Variants in RASAL2 observed in about 807,000 individuals in gnomAD.
RASAL2 encodes the protein ras GTPase-activating protein nGAP.
Under a neutral mutation model 128.9 loss-of-function variants are expected in RASAL2, and 58 were observed. The observed-to-expected ratio is 0.45, with a 90% CI of 0.36 to 0.56. RASAL2 has a LOEUF of 0.56. Among genes scored for constraint, RASAL2 ranks in the 20% least tolerant of loss-of-function variants. RASAL2 has a pLI of 0.00. For missense variants in RASAL2, 1,360 were observed against 1,601.6 expected, an observed-to-expected ratio of 0.85 and a Z score of 2.57; for synonymous variants, 561 against 580.8, an observed-to-expected ratio of 0.97 and a Z score of 0.49.
intron 3 of RASAL2, among the ~76,000 whole-genome samples, chr1:178,341,102 T>C (rs1669853705): frequency 6.6e-6 from 1 of 152,236 alleles, no homozygotes; most frequent in African/African-American, 2.4e-5. Flanking sequence ...ACCTGGTTTT[T>C]ATACTCTGAA....
intron 1 of RASAL2, among the ~76,000 whole-genome samples, chr1:178,117,318 A>G (rs1329897040): frequency 1.3e-5 from 2 of 152,236 alleles, no homozygotes; most frequent in African/African-American, 4.8e-5. Flanking sequence ...ACTCAACTCT[A>G]ACCATTCTGT....
chr1:178,408,612 G>GTTTTTTTTTTTTTTTTTTTTTTTTTTTT (rs756656921), intron 4 of RASAL2, among the ~76,000 whole-genome samples: 5 of 142,476 alleles, frequency 3.5e-5, no homozygotes, highest in African/African-American at 1.1e-4. Context: ...GTTTTTTTTT[G>GTTTTTTTTTTTTTTTTTTTTTTTTTTTT]TTTTTTGTTT....
At chr1:178,346,924 G>A (rs1670186964) in intron 3 of RASAL2, among the ~76,000 whole-genome samples, 1 of 152,108 alleles carries the variant, frequency 6.6e-6, no homozygotes, top group Admixed American at 6.6e-5. Flanking sequence ...GAAGTCTAGT[G>A]GAAGTATAGC....
chr1:178,193,996 C>T (rs906832503), intron 1 of RASAL2, among the ~76,000 whole-genome samples: 12 of 152,168 alleles, frequency 7.9e-5, no homozygotes, highest in East Asian at 1.9e-4. Flanking sequence ...GAGGCCCAAT[C>T]GTTAAACACT....
intron 3 of RASAL2, among the ~76,000 whole-genome samples, chr1:178,364,554 A>G (rs938567100): frequency 2.0e-5 from 3 of 152,222 alleles, no homozygotes; most frequent in African/African-American, 7.2e-5. Context: ...TTGATCTATT[A>G]TTATTGTTGC....
At chr1:178,455,656 A>G (rs1316978212) in intron 12 of RASAL2, among the ~76,000 whole-genome samples, 1 of 152,224 alleles carries the variant, frequency 6.6e-6, no homozygotes, top group Non-Finnish European at 1.5e-5. Context: ...AGCTATGCCA[A>G]AGATAAACCC....
intron 9 of RASAL2, among the ~76,000 whole-genome samples, chr1:178,446,966 G>A (rs1677043523): frequency 6.6e-6 from 1 of 152,280 alleles, no homozygotes; most frequent in East Asian, 1.9e-4. Flanking sequence ...GGAATGTGTG[G>A]AATAAAACTA....
At chr1:178,364,672 T>G (rs1214794876) in intron 3 of RASAL2, among the ~76,000 whole-genome samples, 1 of 152,214 alleles carries the variant, frequency 6.6e-6, no homozygotes, top group Non-Finnish European at 1.5e-5. Context: ...TATATTGGGT[T>G]TATATATCCA....
At chr1:178,183,380 A>T (rs1461075345) in intron 1 of RASAL2, among the ~76,000 whole-genome samples, 1 of 152,216 alleles carries the variant, frequency 6.6e-6, no homozygotes, top group Non-Finnish European at 1.5e-5. Context: ...GCAAAGTTCT[A>T]TGGGTTGTAA....
rs368032512 is a variant in RASAL2, at chr1:178,402,383, G to A, written c.564+12177G>A. Among the ~76,000 whole-genome samples the A allele has an allele frequency of 1.9e-4, 28 of 151,278 alleles. No homozygotes were observed. In the East Asian group the frequency reaches 3.5e-3, roughly 19 times the overall value. On this transcript the variant is annotated intron_variant, in intron 4 of 17. Transcript: ENST00000367649. Reference sequence around the variant, plus strand: ...AACGCCACTGCACTCCAGCCTGGGCGACAGAGCGAGACTTCATCTAAAAAA... The same window carrying A: ...AACGCCACTGCACTCCAGCCTGGGCAACAGAGCGAGACTTCATCTAAAAAA...
chr1:178,435,319 TTAAGC>T lies in RASAL2; in HGVS notation c.675-4101_675-4097del, dbSNP rs561959231. ...TGTGGCATTCTGAAAAATTGGCCAG[TTAAGC>T]TGAGAAAATCCAGCTGTGTTTTACT... is the stretch of plus-strand genomic sequence containing the variant. On this transcript the variant is annotated intron_variant, in intron 5 of 17. Coordinates refer to ENST00000367649, the MANE Select transcript of RASAL2 (RefSeq NM_170692.4). Among the ~76,000 whole-genome samples the T allele has an allele frequency of 7.1e-4, 108 of 152,272 alleles. 1 individual carries two copies. The highest frequency in any genetic ancestry group is 1.1e-3 in the Non-Finnish European group (76 of 67,994).
intron 4 of RASAL2, among the ~76,000 whole-genome samples, chr1:178,414,994 C>G (rs1245582633): frequency 6.6e-6 from 1 of 152,076 alleles, no homozygotes; most frequent in East Asian, 1.9e-4. Context: ...TACAGACTTA[C>G]AAATTTTATT....
chr1:178,107,786 A>C (rs762890944), intron 1 of RASAL2, among the ~76,000 whole-genome samples: 20 of 152,318 alleles, frequency 1.3e-4, no homozygotes, highest in Admixed American at 3.3e-4. Context: ...AACATGTATA[A>C]AAATTTCATT....
chr1:178,475,341 G>C lies in RASAL2; in HGVS notation c.*2102G>C, dbSNP rs1397186. On this transcript the variant is annotated 3_prime_UTR_variant, in exon 18 of 18. Transcript: ENST00000367649. ...TCTCTCCAAGCGGAGGGCACACTGT[G>C]GTCAAAATCACTTATTTTATTAGGA... 1 of 152,128 alleles carries C rather than the reference G, an allele frequency of 6.6e-6. No homozygotes were observed. Among genetic ancestry groups the C allele is most frequent in the Non-Finnish European group, 1.5e-5 (1 of 68,024 alleles). 9.4% of individuals were successfully genotyped at this position (152,128 alleles called of 1,614,324 possible). A position where few individuals can be genotyped will look rare whatever the true frequency, so the allele number is the denominator to read the frequency against.
intron 7 of RASAL2, among the ~76,000 whole-genome samples, 183 bp downstream of exon 7, chr1:178,441,830 T>G (rs1303145373): frequency 6.6e-6 from 1 of 152,108 alleles, no homozygotes; most frequent in African/African-American, 2.4e-5. Flanking sequence ...TGAGACTGGG[T>G]AATTTATCAA....
chr1:178,120,634 T>A (rs1045189922), intron 1 of RASAL2, among the ~76,000 whole-genome samples: 3 of 152,198 alleles, frequency 2.0e-5, no homozygotes, highest in Non-Finnish European at 4.4e-5. Context: ...AGGGTTTTGA[T>A]ATGAGTCTGC....
chr1:178,169,516 T>C (rs1055141896), intron 1 of RASAL2, among the ~76,000 whole-genome samples: 1 of 152,162 alleles, frequency 6.6e-6, no homozygotes, highest in Non-Finnish European at 1.5e-5. Context: ...GTCATAAGGA[T>C]GCTAACTATT....
At chr1:178,320,272 G>T (rs1051410128) in intron 3 of RASAL2, among the ~76,000 whole-genome samples, 1 of 152,064 alleles carries the variant, frequency 6.6e-6, no homozygotes, top group Non-Finnish European at 1.5e-5. Context: ...GCCCCCAGAG[G>T]TGGAGCCTAC....
At chr1:178,307,804 G>A (rs868848110) in intron 3 of RASAL2, among the ~76,000 whole-genome samples, 11 of 152,158 alleles carry the variant, frequency 7.2e-5, no homozygotes, top group Non-Finnish European at 1.6e-4. Context: ...TTGACATTCC[G>A]GTAAAGTTCA....
Sources: gnomAD v4.1 joint callset for allele counts (sites outside exome capture counted in the v4.1 genomes callset) on GRCh38, gnomAD v4.1.1 for gene constraint, MANE v1.5 for transcripts, NCBI Gene and HGNC (gene_info 2026-07-23, HGNC 2026-07-21) for gene names.